ZRANB3: variants seen among roughly 807,000 people sequenced by gnomAD.
The protein encoded by ZRANB3 is DNA annealing helicase and endonuclease ZRANB3.
A neutral mutation model predicts 133.8 loss-of-function variants in ZRANB3; 125 were observed. The observed-to-expected ratio is 0.93, with a 90% CI of 0.81 to 1.08. ZRANB3 has a LOEUF of 1.08. Ranked by LOEUF, ZRANB3 falls within the 50% of genes least tolerant of loss-of-function variation. The pLI is 0.00. For synonymous variants in ZRANB3, 387 were observed against 432.7 expected, an observed-to-expected ratio of 0.89 and a Z score of 1.31; for missense variants, 1,229 against 1,275.5, an observed-to-expected ratio of 0.96 and a Z score of 0.56.
At chr2:135,336,791 A>G (rs1414532159) in intron 6 of ZRANB3, among the ~76,000 whole-genome samples, 1 of 152,160 alleles carries the variant, frequency 6.6e-6, no homozygotes, top group Non-Finnish European at 1.5e-5. Context: ...AGAAATGCTT[A>G]TTGACCACGT....
At chr2:135,268,458 C>T (rs532055010) in intron 11 of ZRANB3, among the ~76,000 whole-genome samples, 2 of 152,280 alleles carry the variant, frequency 1.3e-5, no homozygotes, top group South Asian at 2.1e-4. Context: ...TGAGCCACCA[C>T]GCCCAGCCAG....
intron 6 of ZRANB3, among the ~76,000 whole-genome samples, chr2:135,324,085 T>C (rs181362207): frequency 2.0e-5 from 3 of 151,932 alleles, no homozygotes; most frequent in African/African-American, 7.2e-5. Context: ...TTGATTTTTT[T>C]TTATTATTAT....
At chr2:135,219,345 A>C (rs1694441540) in intron 15 of ZRANB3, among the ~76,000 whole-genome samples, 167 bp from the exon 16 acceptor site, 1 of 152,236 alleles carries the variant, frequency 6.6e-6, no homozygotes, top group African/African-American at 2.4e-5. Context: ...CTCTGGAGAA[A>C]CTGTGAGCCA....
chr2:135,494,704 A>C (rs1692585422), intron 2 of ZRANB3, among the ~76,000 whole-genome samples: 1 of 152,208 alleles, frequency 6.6e-6, no homozygotes, highest in Non-Finnish European at 1.5e-5. Context: ...CCTCAATCTC[A>C]CTATGTACTG....
chr2:135,302,706 A>T (rs747524958), intron 8 of ZRANB3, among the ~76,000 whole-genome samples: 5 of 152,006 alleles, frequency 3.3e-5, no homozygotes, highest in Non-Finnish European at 4.4e-5. Context: ...TTGTATTTTT[A>T]GTAGAGACAG....
chr2:135,226,268 T>C (rs1261429347), intron 14 of ZRANB3, among the ~76,000 whole-genome samples: 2 of 152,240 alleles, frequency 1.3e-5, no homozygotes, highest in Non-Finnish European at 2.9e-5. Context: ...ATGATGCATC[T>C]ATGGTCATTC....
chr2:135,425,036 C>T (rs748832192), intron 2 of ZRANB3, among the ~76,000 whole-genome samples: 20 of 151,966 alleles, frequency 1.3e-4, no homozygotes, highest in African/African-American at 2.7e-4. Context: ...AAAAACTAGA[C>T]GGCAGAGGGA....
intron 3 of ZRANB3, among the ~76,000 whole-genome samples, chr2:135,371,941 C>T (rs1483135697): frequency 6.6e-6 from 1 of 151,926 alleles, no homozygotes; most frequent in Non-Finnish European, 1.5e-5. Flanking sequence ...TTTGGGAGGC[C>T]AAGGCAGGCA....
intron 6 of ZRANB3, among the ~76,000 whole-genome samples, chr2:135,330,637 C>T (rs1001278615): frequency 1.3e-5 from 2 of 152,108 alleles, no homozygotes; most frequent in African/African-American, 2.4e-5. Context: ...GGCACGAGCT[C>T]CTCTTTGTAA....
intron 3 of ZRANB3, among the ~76,000 whole-genome samples, chr2:135,378,320 C>T (rs923976294): frequency 1.9e-4 from 29 of 152,172 alleles, no homozygotes; most frequent in South Asian, 4.2e-4. Flanking sequence ...TGGCGAAAGC[C>T]GGTCTCTACT....
chr2:135,457,287 T>C (rs1462966020), intron 2 of ZRANB3, among the ~76,000 whole-genome samples: 1 of 152,216 alleles, frequency 6.6e-6, no homozygotes, highest in Non-Finnish European at 1.5e-5. Context: ...TTTGTCACCA[T>C]ATATTCTCAA....
intron 2 of ZRANB3, among the ~76,000 whole-genome samples, chr2:135,465,627 A>G (rs1046099973): frequency 6.6e-6 from 1 of 152,248 alleles, no homozygotes; most frequent in African/African-American, 2.4e-5. Flanking sequence ...TCATGACTAA[A>G]ACACCAAAAG....
At chr2:135,252,337 CTAAAA>C (rs1270579744) in intron 12 of ZRANB3, among the ~76,000 whole-genome samples, 2 of 151,788 alleles carry the variant, frequency 1.3e-5, no homozygotes, top group African/African-American at 2.4e-5. Context: ...GCCCCCAAAC[CTAAAA>C]TAAAAGTTAA....
intron 15 of ZRANB3, among the ~76,000 whole-genome samples, chr2:135,222,838 T>C (rs1487839587): frequency 6.6e-6 from 1 of 152,152 alleles, no homozygotes. Context: ...TGGCCAGGCA[T>C]AGTGGCTCAC....
At chr2:135,466,382 C>CAAAA (rs553890734) in intron 2 of ZRANB3, among the ~76,000 whole-genome samples, 9 of 28,240 alleles carry the variant, frequency 3.2e-4, no homozygotes, top group East Asian at 1.3e-3. Flanking sequence ...GACTCCGTCA[C>CAAAA]AAAAAAAAAA....
intron 6 of ZRANB3, among the ~76,000 whole-genome samples, chr2:135,329,019 C>A (rs1271997778): frequency 6.6e-6 from 1 of 152,170 alleles, no homozygotes; most frequent in Non-Finnish European, 1.5e-5. Flanking sequence ...TGCCTGTTCA[C>A]TCTGATGATA....
chr2:135,269,799 C>G (rs1206552214), intron 10 of ZRANB3, among the ~76,000 whole-genome samples: 1 of 152,106 alleles, frequency 6.6e-6, no homozygotes, highest in Non-Finnish European at 1.5e-5. Flanking sequence ...AAAAATGTGT[C>G]CAAAAATGCA....
chr2:135,263,603 TTA>T (rs1680072006), intron 12 of ZRANB3, among the ~76,000 whole-genome samples: 1 of 152,126 alleles, frequency 6.6e-6, no homozygotes, highest in Non-Finnish European at 1.5e-5. Flanking sequence ...GGTGAACCTG[TTA>T]TATATTGTGT....
intron 2 of ZRANB3, among the ~76,000 whole-genome samples, chr2:135,498,575 A>G (rs1212421810): frequency 1.3e-5 from 2 of 152,210 alleles, no homozygotes; most frequent in Non-Finnish European, 2.9e-5. Context: ...AAAGAACAGG[A>G]TAACAGCGAT....
Sources: allele counts gnomAD v4.1 joint callset (sites outside exome capture counted in the v4.1 genomes callset), GRCh38; gene constraint gnomAD v4.1.1; transcripts MANE v1.5; gene names NCBI Gene and HGNC (gene_info 2026-07-23, HGNC 2026-07-21).